MYO5C: variants seen among roughly 807,000 people sequenced by gnomAD.
MYO5C encodes myosin VC, also known as unconventional myosin-Vc.
In MYO5C, 194 loss-of-function variants were observed where a neutral mutation model predicts 235.7. The observed-to-expected ratio is 0.82, with a 90% CI of 0.73 to 0.93. MYO5C has a LOEUF of 0.93. MYO5C is among the 40% of genes least tolerant of loss of function. MYO5C has a pLI of 0.00. For synonymous variants in MYO5C, 707 were observed against 754.8 expected (o/e 0.94, Z 1.04); for missense variants, 2,038 against 2,127.2 (o/e 0.96, Z 0.82).
intron 38 of MYO5C, among the ~76,000 whole-genome samples, chr15:52,196,778 A>G (rs765693259): frequency 6.6e-6 from 1 of 152,262 alleles, no homozygotes; most frequent in Non-Finnish European, 1.5e-5. Flanking sequence ...ATTAAAGGAA[A>G]GAAACAGTGA....
chr15:52,200,966 G>A (rs907526781), intron 38 of MYO5C, among the ~76,000 whole-genome samples: 1 of 152,134 alleles, frequency 6.6e-6, no homozygotes, highest in Non-Finnish European at 1.5e-5. Flanking sequence ...AACTTGAAAG[G>A]ATTAACAGAG....
In MYO5C at chr15:52,232,888, C is replaced by T. The variant is rs2141304242; in HGVS notation, c.2963-203G>A. The stretch of plus-strand genomic sequence containing the variant: ...AAAATAATAATTCTCACAAATTTGT[C>T]AGATTGGAATTATCAATAAATAGTT... On this transcript the variant is annotated intron_variant, in intron 23 of 40. Transcript: ENST00000261839. 1.3e-5 allele frequency among the ~76,000 whole-genome samples: 2 copies of T among 152,174 alleles called. 1 individual carries two copies. The highest frequency in any genetic ancestry group is 4.2e-4 in the South Asian group (2 of 4,816).
chr15:52,218,260 A>T (rs969994713), intron 32 of MYO5C, among the ~76,000 whole-genome samples: 2 of 152,112 alleles, frequency 1.3e-5, no homozygotes, highest in Non-Finnish European at 2.9e-5. Flanking sequence ...GGTGCCGTGC[A>T]CTGATAGTGC....
intron 24 of MYO5C, among the ~76,000 whole-genome samples, chr15:52,230,882 C>T (rs561286963): frequency 9.1e-5 from 13 of 142,458 alleles, no homozygotes; most frequent in African/African-American, 2.9e-4. Flanking sequence ...GGCAGGAGTG[C>T]GGTGGTGCAA....
Position 52,232,618 on chromosome 15 carries a change from A to T in MYO5C, c.3026+4T>A. 6.2e-7 allele frequency: 1 copy of T among 1,613,578 alleles called. No individual in the cohort carries two copies. The stretch of plus-strand genomic sequence containing the variant: ...GTAGCTTTAAGGCAAACTAGATTCC[A>T]TACATTCTTTGCCGTTCTTCCTTTT... On this transcript the variant is annotated splice_donor_region_variant and intron_variant, in intron 24 of 40. Transcript: ENST00000261839.
intron 1 of MYO5C, among the ~76,000 whole-genome samples, chr15:52,294,908 T>C (rs1216236015): frequency 6.6e-6 from 1 of 152,168 alleles, no homozygotes; most frequent in Non-Finnish European, 1.5e-5. Context: ...GTTTGTACTG[T>C]TGCTAACAGT....
intron 40 of MYO5C, 152 bp from the exon 41 acceptor site, chr15:52,194,206 G>A (rs1247697175): frequency 7.7e-6 from 5 of 646,734 alleles, no homozygotes; most frequent in Non-Finnish European, 1.0e-5. Context: ...TTTAACAACA[G>A]CACAATTCCA....
At chr15:52,199,246 C>G (rs1314612780) in intron 38 of MYO5C, among the ~76,000 whole-genome samples, 1 of 152,166 alleles carries the variant, frequency 6.6e-6, no homozygotes, top group Non-Finnish European at 1.5e-5. Context: ...CTCAGCCCTT[C>G]TAATTCACCC....
chr15:52,291,737 T>TTTTTTTTTC (rs1363124600), intron 1 of MYO5C, among the ~76,000 whole-genome samples: 1 of 74,522 alleles, frequency 1.3e-5, no homozygotes, highest in African/African-American at 4.6e-5. Context: ...TTATGTTTTT[T>TTTTTTTTTC]TTTTTTTTTT....
At chr15:52,284,894 C>T (rs2140865111) in intron 1 of MYO5C, among the ~76,000 whole-genome samples, 1 of 149,336 alleles carries the variant, frequency 6.7e-6, no homozygotes, top group Admixed American at 6.7e-5. Flanking sequence ...GGCTGGAGTG[C>T]AGTGACGTGA....
rs1030936713 is a variant in MYO5C at position 52,272,703 on chromosome 15, G to T, written c.627C>A (p.Thr209=). 9.9e-6 allele frequency: 16 copies of T among 1,613,140 alleles called. No individual in the cohort carries two copies. The highest frequency in any genetic ancestry group is 1.3e-5 in the Non-Finnish European group (15 of 1,179,810). ...ACCGACTACTATTGTCATTGCGGGTGGTCTTGGCATTTCCAACGGCCTAAA... is the reference window on the plus strand; with the variant it reads ...ACCGACTACTATTGTCATTGCGGGTTGTCTTGGCATTTCCAACGGCCTAAA... ...PITEAVGNAK[T]TRNDNSSRFG... The change falls in exon 6 of 41, where the codon ACC becomes ACA. Residue 209 remains threonine (T), a synonymous_variant. Transcript: ENST00000261839.
chr15:52,280,122 GTGACCTACGGTCTCTTTAAC>G (rs1408637188), intron 2 of MYO5C, among the ~76,000 whole-genome samples: 6 of 152,244 alleles, frequency 3.9e-5, no homozygotes, highest in African/African-American at 1.4e-4. Context: ...AAATGACACA[GTGACCTACGGTCTCTTTAAC>G]TCTAAGGTTG....
At chr15:52,280,296 C>G (rs1427828163) in intron 2 of MYO5C, among the ~76,000 whole-genome samples, 2 of 152,224 alleles carry the variant, frequency 1.3e-5, no homozygotes, top group Non-Finnish European at 1.5e-5. Flanking sequence ...TCACAGCTCC[C>G]CCAGCAGGGC....
chr15:52,256,585 A>ACGCGCGCG (rs767638097), intron 11 of MYO5C, 54 bp downstream of exon 11: 147 of 870,546 alleles, frequency 1.7e-4, no homozygotes, highest in Middle Eastern at 4.8e-4. Context: ...ACACACACAC[A>ACGCGCGCG]CACGCGCGCG....
intron 7 of MYO5C, 57 bp downstream of exon 7, chr15:52,271,706 C>G (rs1258412287): frequency 5.0e-6 from 5 of 1,000,660 alleles, no homozygotes; most frequent in Non-Finnish European, 7.2e-6. Flanking sequence ...GAAAGTTAAC[C>G]TAGAATTTAA....
At chr15:52,235,530 G>C in intron 23 of MYO5C, 140 bp downstream of exon 23, 1 of 577,756 alleles carries the variant, frequency 1.7e-6, no homozygotes, top group Non-Finnish European at 3.1e-6. Context: ...CTTAAATATG[G>C]CTATTCCTTG....
At chr15:52,292,003 T>C (rs1273808890) in intron 1 of MYO5C, among the ~76,000 whole-genome samples, 2 of 152,126 alleles carry the variant, frequency 1.3e-5, no homozygotes, top group Non-Finnish European at 2.9e-5. Context: ...CCTCCCAAAG[T>C]GCTGGGATTA....
In MYO5C at chr15:52,214,641, T is replaced by G; in HGVS notation, c.4004A>C (p.Gln1335Pro). The G allele has an allele frequency of 6.2e-7, 1 of 1,609,506 alleles. No homozygotes were observed. Among genetic ancestry groups the G allele is most frequent in the South Asian group, 1.1e-5 (1 of 90,052 alleles). ...CTTGCTTAGTGTCTTGACTTGATCT[T>G]GTAGCTTTTTAATCACTCTGTCTTT... ...DMKDRVIKKL[Q>P]DQVKTLSKTI... The change falls in exon 33 of 41, where the codon CAA becomes CCA. Residue 1335 changes from glutamine (Q) to proline (P), a missense_variant. Gln to Pro is a moderately conservative substitution (Grantham distance 76). Transcript: ENST00000261839.
At chr15:52,253,194 T>C in intron 12 of MYO5C, 123 bp downstream of exon 12, 1 of 1,002,422 alleles carries the variant, frequency 1.0e-6, no homozygotes, top group Non-Finnish European at 1.5e-6. Context: ...CCAGCATTAA[T>C]ATCCATCCAA....
Sources: gnomAD v4.1 joint callset for allele counts (sites outside exome capture counted in the v4.1 genomes callset) on GRCh38, gnomAD v4.1.1 for gene constraint, MANE v1.5 for transcripts, NCBI Gene and HGNC (gene_info 2026-07-23, HGNC 2026-07-21) for gene names.